Variants in SAMM50 observed in about 807,000 individuals in gnomAD.
The protein encoded by SAMM50 is SAMM50 sorting and assembly machinery component.
In SAMM50, 47 loss-of-function variants were observed where a neutral mutation model predicts 66.9. That is an observed-to-expected ratio of 0.70 (90% CI 0.56 to 0.90). The LOEUF is 0.90. Among genes scored for constraint, SAMM50 ranks in the 40% least tolerant of loss-of-function variants. SAMM50 has a pLI of 0.00. For synonymous variants in SAMM50, 191 were observed against 214.1 expected (o/e 0.89, Z 0.94); for missense variants, 535 against 595.3 (o/e 0.90, Z 1.05).
chr22:43,976,624 C>T, intron 8 of SAMM50, 126 bp from the exon 9 acceptor site: 1 of 725,222 alleles, frequency 1.4e-6, no homozygotes, highest in Non-Finnish European at 2.4e-6. Flanking sequence ...TCCAAGGGCT[C>T]TGTGAACACG....
Position 43,990,317 on chromosome 22 carries a change from G to A in SAMM50, c.1275G>A (p.Ser425=), listed in dbSNP as rs142536449. The A allele has an allele frequency of 1.8e-4, 287 of 1,614,054 alleles. No homozygotes were observed. Among genetic ancestry groups the A allele is most frequent in the Non-Finnish European group, 2.3e-4 (266 of 1,180,028 alleles). ...IRKLAECIRW[S]YGAGIVLRLG... is the part of the protein sequence containing the mutation. ...AGCTGGCTGAGTGCATCCGCTGGTCGTACGGGGCCGGGATTGTCCTCAGGC... is the reference window on the plus strand; with the variant it reads ...AGCTGGCTGAGTGCATCCGCTGGTCATACGGGGCCGGGATTGTCCTCAGGC... Residue 425 remains serine, a synonymous_variant, in exon 14 of 15, where the codon TCG becomes TCA. Coordinates refer to ENST00000350028, the MANE Select transcript of SAMM50 (RefSeq NM_015380.5).
At chr22:43,979,440 T>A (rs55882127) in intron 10 of SAMM50, among the ~76,000 whole-genome samples, 15 of 152,292 alleles carry the variant, frequency 9.8e-5, no homozygotes, top group African/African-American at 3.1e-4. Context: ...TGAACTTAAC[T>A]CCCTGGCTGC....
chr22:43,988,741 T>G (rs16991286), intron 12 of SAMM50: 3,928 of 169,580 alleles, frequency 0.023, 179 homozygotes, highest in African/African-American at 0.088. Flanking sequence ...TTTGGCAAAA[T>G]AATGCATTTC....
At position 43,972,245 on chromosome 22, in the gene SAMM50, C is replaced by T; in HGVS notation, c.332C>T (p.Ala111Val). 1 of 1,571,680 alleles carries T rather than the reference C, an allele frequency of 6.4e-7. No homozygotes were observed. Among genetic ancestry groups the T allele is most frequent in the Non-Finnish European group, 8.6e-7 (1 of 1,161,206 alleles). Residue 111 changes from alanine (A) to valine (V), a missense_variant, in exon 5 of 15, where the codon GCA becomes GTA. By Grantham distance (64) the Ala-to-Val change is moderately conservative. Transcript: ENST00000350028. ...ATATTTTTTTATTTAGGTGATGACG[C>T]ACTTCCAAATGGGTTAGACGTTACC... Reference protein sequence around the residue: ...VLIDTCQGDDALPNGLDVTFE... With the variant: ...VLIDTCQGDDVLPNGLDVTFE...
chr22:43,979,249 C>A (rs1039539287), intron 10 of SAMM50, among the ~76,000 whole-genome samples: 61 of 152,356 alleles, frequency 4.0e-4, no homozygotes, highest in Non-Finnish European at 5.9e-5. Context: ...CAGCTGCTGC[C>A]TGTGTGTAGC....
Position 43,963,410 on chromosome 22 carries a change from T to G in SAMM50, c.132+14T>G. ...GAAAACAAAGATGTGAGTTTTCTGT[T>G]GAAGGTCTTGATAGAATTGTTAGTG... On this transcript the variant is annotated intron_variant, in intron 2 of 14. Coordinates refer to ENST00000350028, the MANE Select transcript of SAMM50 (RefSeq NM_015380.5). The G allele has an allele frequency of 6.6e-7, 1 of 1,509,770 alleles. No homozygotes were observed. 93.5% of individuals were successfully genotyped at this position (1,509,770 alleles called of 1,614,324 possible). A position where few individuals can be genotyped will look rare whatever the true frequency, so the allele number is the denominator to read the frequency against.
intron 1 of SAMM50, among the ~76,000 whole-genome samples, chr22:43,961,252 A>G (rs1298944431): frequency 7.2e-5 from 11 of 152,200 alleles, no homozygotes; most frequent in African/African-American, 2.7e-4. Flanking sequence ...AGTTTTCTCC[A>G]AACTTGCTGA....
chr22:43,972,369 A>G (rs746939484), intron 5 of SAMM50, 27 bp downstream of exon 5: 103 of 1,372,160 alleles, frequency 7.5e-5, no homozygotes, highest in Non-Finnish European at 9.9e-5. Flanking sequence ...TTACTTTCTT[A>G]TATTGGAACT....
At chr22:43,963,553 A>G (rs2050158270) in intron 2 of SAMM50, among the ~76,000 whole-genome samples, 157 bp downstream of exon 2, 1 of 152,170 alleles carries the variant, frequency 6.6e-6, no homozygotes, top group Non-Finnish European at 1.5e-5. Flanking sequence ...ACTCTTAGAA[A>G]AACAGTTTCT....
intron 8 of SAMM50, 77 bp from the exon 9 acceptor site, chr22:43,976,673 C>T (rs1293317112): frequency 9.6e-7 from 1 of 1,037,706 alleles, no homozygotes; most frequent in Admixed American, 1.7e-5. Flanking sequence ...CGTGGTGTGG[C>T]CCACGTGCTG....
At chr22:43,967,525 T>C (rs957444887) in intron 3 of SAMM50, among the ~76,000 whole-genome samples, 1 of 152,202 alleles carries the variant, frequency 6.6e-6, no homozygotes, top group African/African-American at 2.4e-5. Context: ...GTGAAATGTC[T>C]CCAGGGTCTG....
rs371383756 is a variant in SAMM50, at chr22:43,976,043, T to G, written c.649-12T>G. 1 of 1,603,576 alleles carries G rather than the reference T, an allele frequency of 6.2e-7. No homozygotes were observed. The highest frequency in any genetic ancestry group is 8.5e-7 in the Non-Finnish European group (1 of 1,171,314). ...GTGTGGTCCGGAAAGATGTCTGATC[T>G]CCATGTTGCAGTTTCCCATATGGAA... On this transcript the variant is annotated splice_polypyrimidine_tract_variant and intron_variant, in intron 7 of 14. Coordinates refer to ENST00000350028, the MANE Select transcript of SAMM50 (RefSeq NM_015380.5).
chr22:43,981,654 G>A (rs967591856), intron 11 of SAMM50, among the ~76,000 whole-genome samples, 193 bp downstream of exon 11: 4 of 152,084 alleles, frequency 2.6e-5, no homozygotes, highest in African/African-American at 9.7e-5. Context: ...CTTTTGTTGG[G>A]GAAGTTACTT....
chr22:43,973,679 A>C (rs1161929103), intron 7 of SAMM50, among the ~76,000 whole-genome samples: 1 of 152,182 alleles, frequency 6.6e-6, no homozygotes, highest in Non-Finnish European at 1.5e-5. Context: ...CTTGTCGCCC[A>C]GGCTGGAGTA....
intron 7 of SAMM50, among the ~76,000 whole-genome samples, chr22:43,974,134 A>C (rs986608840): frequency 6.6e-6 from 1 of 151,924 alleles, no homozygotes; most frequent in Non-Finnish European, 1.5e-5. Context: ...CGTTCCCCAC[A>C]TGTGGTCTTC....
intron 14 of SAMM50, among the ~76,000 whole-genome samples, chr22:43,992,273 A>T (rs1200202995): frequency 6.6e-6 from 1 of 152,242 alleles, no homozygotes; most frequent in Non-Finnish European, 1.5e-5. Context: ...TCTCAGGTGC[A>T]GTCTGCGTCT....
Position 43,989,255 on chromosome 22 carries a change from A to G in SAMM50, c.1220A>G (p.Tyr407Cys), listed in dbSNP as rs1020371092. 2 of 1,613,600 alleles carry G rather than the reference A, an allele frequency of 1.2e-6. No individual in the cohort carries two copies. The highest frequency in any genetic ancestry group is 1.1e-5 in the South Asian group (1 of 91,066). ...LNAGNLCNLN[Y>C]GEGPKAHIRK... ...GCAGGAAACCTCTGCAACCTCAACT[A>G]TGGTAAAACTTGCGCTATTCAAGAA... The change falls in exon 13 of 15, where the codon TAT becomes TGT. Residue 407 changes from tyrosine to cysteine, a missense_variant and splice_region_variant. Tyr to Cys is a radical substitution (Grantham distance 194). Transcript: ENST00000350028.
In SAMM50 at chr22:43,983,292, T is replaced by TCTAAA. The variant is rs1227669009; in HGVS notation, c.1008-641_1008-640insCTAAA. Reference sequence around the variant, plus strand: ...TAAATTCATTTTTTAGTAATTATCATAATCTAAAATCGGGTTCTAATATGC... The same window carrying TCTAAA: ...TAAATTCATTTTTTAGTAATTATCATCTAAAAATCTAAAATCGGGTTCTAATATGC... On this transcript the variant is annotated intron_variant, in intron 11 of 14. Coordinates refer to ENST00000350028, the MANE Select transcript of SAMM50 (RefSeq NM_015380.5). This position sits in a 1 kb window ranked among gnomAD's most constrained non-coding sequence, Gnocchi z 4.2. 6.6e-6 allele frequency among the ~76,000 whole-genome samples: 1 copy of TCTAAA among 152,222 alleles called. No homozygotes were observed. The highest frequency in any genetic ancestry group is 2.4e-5 in the African/African-American group (1 of 41,450).
Position 43,977,919 on chromosome 22 carries a change from T to C in SAMM50, c.897T>C (p.Asp299=), listed in dbSNP as rs527480906. The change falls in exon 10 of 15, where the codon GAT becomes GAC. Residue 299 remains aspartate (D), a synonymous_variant. Transcript: ENST00000350028. ...GGGATGTGAGCTTCATCAAAGAAGA[T>C]TTTGAACTTCAGTTGAACAAGCAAC... ...TGGDVSFIKE[D]FELQLNKQLI... 3 of 1,613,368 alleles carry C rather than the reference T, an allele frequency of 1.9e-6. No homozygotes were observed. Among genetic ancestry groups the C allele is most frequent in the South Asian group, 1.1e-5 (1 of 90,868 alleles).
Sources: allele counts gnomAD v4.1 joint callset (sites outside exome capture counted in the v4.1 genomes callset), GRCh38; gene constraint gnomAD v4.1.1; non-coding constraint Gnocchi (gnomAD v3.1); transcripts MANE v1.5; gene names NCBI Gene and HGNC (gene_info 2026-07-23, HGNC 2026-07-21).